Variants in VSNL1 observed in about 807,000 individuals in gnomAD.
The protein encoded by VSNL1 is visinin like 1.
In VSNL1, 6 loss-of-function variants were observed where a neutral mutation model predicts 20.4. The ratio of observed to expected loss-of-function variants is 0.29; its 90% confidence interval spans 0.16 to 0.58. The LOEUF (loss-of-function observed/expected upper bound fraction) is 0.58, where lower values mean the gene tolerates loss of function less well. Among genes scored for constraint, VSNL1 ranks in the 20% least tolerant of loss-of-function variants. The probability of loss-of-function intolerance (pLI) is 0.90; values close to 1 mark genes in which losing one functional copy is unlikely to be tolerated. For missense variants in VSNL1, 100 were observed against 234.5 expected (o/e 0.43, Z 3.75); for synonymous variants, 93 against 86.4 (o/e 1.08, Z -0.42).
chr2:17,638,999 G>A (rs1665822180), intron 2 of VSNL1, among the ~76,000 whole-genome samples: 1 of 152,172 alleles, frequency 6.6e-6, no homozygotes, highest in Non-Finnish European at 1.5e-5. Flanking sequence ...TGCTCTTTGT[G>A]CCCATGAGTT....
chr2:17,563,640 T>C (rs1663868992), intron 1 of VSNL1, among the ~76,000 whole-genome samples: 2 of 151,968 alleles, frequency 1.3e-5, no homozygotes, highest in Non-Finnish European at 2.9e-5. Context: ...TGAGGCAGGA[T>C]AATCACTTGA....
At chr2:17,621,320 TTTCTC>T (rs1415741178) in intron 2 of VSNL1, among the ~76,000 whole-genome samples, 9 of 151,864 alleles carry the variant, frequency 5.9e-5, no homozygotes, top group Non-Finnish European at 1.3e-4. Flanking sequence ...CTCCTTTTCT[TTTCTC>T]TTTTCTTTTC....
At chr2:17,554,426 G>A (rs1259370407) in intron 1 of VSNL1, among the ~76,000 whole-genome samples, 7 of 152,158 alleles carry the variant, frequency 4.6e-5, no homozygotes. Context: ...TGGTGACTGA[G>A]ATCACCTCAT....
At chr2:17,552,228 C>T (rs1053670156) in intron 1 of VSNL1, among the ~76,000 whole-genome samples, 19 of 149,336 alleles carry the variant, frequency 1.3e-4, no homozygotes, top group African/African-American at 4.6e-4. Context: ...AAAAACTTAG[C>T]ACGTACAGTG....
chr2:17,578,392 G>A lies in VSNL1; in HGVS notation c.-5-13678G>A, dbSNP rs552008975. Among the ~76,000 whole-genome samples, 10 of 152,306 alleles carry A rather than the reference G, an allele frequency of 6.6e-5. No individual in the cohort carries two copies. In the South Asian group the frequency reaches 1.9e-3, roughly 28 times the overall value. On this transcript the variant is annotated intron_variant, in intron 1 of 3. Coordinates refer to ENST00000295156, the MANE Select transcript of VSNL1 (RefSeq NM_003385.5). Reference sequence around the variant, plus strand: ...GGTTCAAACATAGGATTGTTTTGAGGTTTTCTTTTGGTTTCAACATGGAGG... The same window carrying A: ...GGTTCAAACATAGGATTGTTTTGAGATTTTCTTTTGGTTTCAACATGGAGG...
chr2:17,572,614 A>G (rs1664109527), intron 1 of VSNL1, among the ~76,000 whole-genome samples: 1 of 152,210 alleles, frequency 6.6e-6, no homozygotes, highest in Non-Finnish European at 1.5e-5. Flanking sequence ...TCCATGTTTA[A>G]TCTTCATGTA....
At chr2:17,545,851 T>G (rs17380352) in intron 1 of VSNL1, among the ~76,000 whole-genome samples, 3 of 152,126 alleles carry the variant, frequency 2.0e-5, no homozygotes, top group Non-Finnish European at 2.9e-5. Context: ...ATCAGCTAAC[T>G]TAAAGTATGC....
At chr2:17,578,401 T>C (rs1010759995) in intron 1 of VSNL1, among the ~76,000 whole-genome samples, 3 of 152,258 alleles carry the variant, frequency 2.0e-5, no homozygotes, top group Non-Finnish European at 4.4e-5. Flanking sequence ...GGTTTTCTTT[T>C]GGTTTCAACA....
intron 1 of VSNL1, among the ~76,000 whole-genome samples, chr2:17,549,259 G>A (rs1663471618): frequency 6.6e-6 from 1 of 152,170 alleles, no homozygotes; most frequent in Non-Finnish European, 1.5e-5. Context: ...TTCAGATCAG[G>A]TTTAGCCTAT....
At chr2:17,650,270 T>A (rs1427075566) in intron 3 of VSNL1, among the ~76,000 whole-genome samples, 1 of 152,202 alleles carries the variant, frequency 6.6e-6, no homozygotes, top group Non-Finnish European at 1.5e-5. Context: ...TCTTCCTTCC[T>A]GCATACCTTC....
chr2:17,576,134 G>A (rs1427046689), intron 1 of VSNL1, among the ~76,000 whole-genome samples: 2 of 152,164 alleles, frequency 1.3e-5, no homozygotes, highest in African/African-American at 4.8e-5. Context: ...AGCAGCAAGA[G>A]AGGAAAACAA....
chr2:17,570,376 AG>A (rs1237107707), intron 1 of VSNL1, among the ~76,000 whole-genome samples: 2 of 152,226 alleles, frequency 1.3e-5, no homozygotes, highest in Non-Finnish European at 2.9e-5. Context: ...GTGTGCTCCA[AG>A]AAACTTATAA....
intron 2 of VSNL1, among the ~76,000 whole-genome samples, chr2:17,594,011 G>C (rs951895587): frequency 2.0e-5 from 3 of 152,154 alleles, no homozygotes; most frequent in African/African-American, 7.2e-5. Flanking sequence ...CGTGTGCCAC[G>C]TTCCTCACTA....
Position 17,542,682 on chromosome 2 carries a change from A to G in VSNL1, c.-6+1764A>G, listed in dbSNP as rs563990784. Among the ~76,000 whole-genome samples, 5 of 152,294 alleles carry G rather than the reference A, an allele frequency of 3.3e-5. No individual in the cohort carries two copies. In the South Asian group the frequency reaches 1.0e-3, roughly 32 times the overall value. On this transcript the variant is annotated intron_variant, in intron 1 of 3. Coordinates refer to ENST00000295156, the MANE Select transcript of VSNL1 (RefSeq NM_003385.5). ...TCATAATTGAGCCATACTCCCTGTCATCATTGAGCATTGGCATCAGTTCGA... is the reference window on the plus strand; with the variant it reads ...TCATAATTGAGCCATACTCCCTGTCGTCATTGAGCATTGGCATCAGTTCGA...
intron 2 of VSNL1, among the ~76,000 whole-genome samples, chr2:17,629,096 CA>C (rs1354199417): frequency 2.0e-5 from 3 of 152,228 alleles, no homozygotes; most frequent in Admixed American, 6.5e-5. Context: ...GTGTCTGTCC[CA>C]CCTGGCCCTT....
At chr2:17,625,931 C>A (rs1665499559) in intron 2 of VSNL1, among the ~76,000 whole-genome samples, 1 of 149,174 alleles carries the variant, frequency 6.7e-6, no homozygotes, top group Non-Finnish European at 1.5e-5. Context: ...GCCTCCTAAG[C>A]AAGTCGTTGG....
chr2:17,599,467 CA>C (rs1438037766), intron 2 of VSNL1, among the ~76,000 whole-genome samples: 1 of 152,132 alleles, frequency 6.6e-6, no homozygotes, highest in East Asian at 1.9e-4. Flanking sequence ...AACAAAAATT[CA>C]AAAATCAAAA....
Position 17,557,542 on chromosome 2 carries a change from G to A in VSNL1, c.-6+16624G>A, listed in dbSNP as rs1455850162. On this transcript the variant is annotated intron_variant, in intron 1 of 3. Transcript: ENST00000295156. ...TGTAACAAGGAGACCTATATTTGGG[G>A]CTGCTTGAAATAATAGACTCCAGGA... Among the ~76,000 whole-genome samples the A allele has an allele frequency of 5.3e-5, 8 of 152,176 alleles. No individual in the cohort carries two copies. The South Asian group carries it at 1.2e-3, about 24-fold the overall frequency.
In VSNL1 at chr2:17,549,799, A is replaced by G. The variant is rs189328043; in HGVS notation, c.-6+8881A>G. Among the ~76,000 whole-genome samples the G allele has an allele frequency of 2.2e-3, 335 of 152,308 alleles. 2 individuals are homozygous for G. Among genetic ancestry groups the G allele is most frequent in the African/African-American group, 7.4e-3 (307 of 41,576 alleles). On this transcript the variant is annotated intron_variant, in intron 1 of 3. Transcript: ENST00000295156. ...GCTTTGATTAATTGTATATTTCCAA[A>G]CCTGTTTGTACAGGAAACTTATGTG... is the stretch of plus-strand genomic sequence containing the variant.
Sources: allele counts gnomAD v4.1 joint callset (sites outside exome capture counted in the v4.1 genomes callset), GRCh38; gene constraint gnomAD v4.1.1; transcripts MANE v1.5; gene names NCBI Gene and HGNC (gene_info 2026-07-23, HGNC 2026-07-21).